BMP7: variants seen among roughly 807,000 people sequenced by gnomAD.
The protein encoded by BMP7 is osteogenic protein 1.
BMP7 carries 12 observed loss-of-function variants against 41.2 expected under a neutral mutation model. That is an observed-to-expected ratio of 0.29 (90% CI 0.19 to 0.47). BMP7 has a LOEUF of 0.47. Ranked by LOEUF, BMP7 falls within the 20% of genes least tolerant of loss-of-function variation. The pLI is 0.99. For synonymous variants in BMP7, 248 were observed against 250.0 expected (o/e 0.99, Z 0.07); for missense variants, 467 against 606.0 (o/e 0.77, Z 2.41).
intron 2 of BMP7, among the ~76,000 whole-genome samples, chr20:57,204,866 C>T (rs77149989): frequency 1.1e-4 from 16 of 152,306 alleles, no homozygotes; most frequent in African/African-American, 3.8e-4. Context: ...TTTTGTCCTT[C>T]CCAAGACTCA....
chr20:57,265,043 A>AG (rs2066169888), intron 1 of BMP7, among the ~76,000 whole-genome samples: 1 of 8,908 alleles, frequency 1.1e-4, no homozygotes, highest in African/African-American at 2.1e-4. Context: ...AAAAAAAAAA[A>AG]AAAGAAAAGA....
At chr20:57,218,276 C>G (rs1157810609) in intron 2 of BMP7, among the ~76,000 whole-genome samples, 1 of 152,264 alleles carries the variant, frequency 6.6e-6, no homozygotes, top group Non-Finnish European at 1.5e-5. Context: ...CTACACCTGA[C>G]TAGTTGGGGT....
At chr20:57,192,936 C>T (rs1488311095) in intron 3 of BMP7, among the ~76,000 whole-genome samples, 1 of 152,114 alleles carries the variant, frequency 6.6e-6, no homozygotes, top group East Asian at 1.9e-4. Flanking sequence ...GATAGAAAGG[C>T]TTTCCTGCGG....
intron 3 of BMP7, chr20:57,186,986 A>G (rs1568707499): frequency 6.6e-6 from 1 of 152,178 alleles, no homozygotes; most frequent in Non-Finnish European, 1.5e-5. Flanking sequence ...TGTTTCCCCC[A>G]CTAGAAGGCT....
chr20:57,238,193 T>C (rs1003468806), intron 1 of BMP7, among the ~76,000 whole-genome samples: 1 of 152,222 alleles, frequency 6.6e-6, no homozygotes, highest in Non-Finnish European at 1.5e-5. Context: ...GGGCAACACC[T>C]ATAAATGGAA....
At chr20:57,197,760 G>T (rs868553541) in intron 3 of BMP7, among the ~76,000 whole-genome samples, 1 of 152,324 alleles carries the variant, frequency 6.6e-6, no homozygotes, top group Middle Eastern at 3.4e-3. Flanking sequence ...TCTTCCAGCC[G>T]CCTACAGAAT....
At position 57,261,917 on chromosome 20, in the gene BMP7, C is replaced by A. The variant is rs1037697216; in HGVS notation, c.418+3788G>T. Among the ~76,000 whole-genome samples, 3 of 152,250 alleles carry A rather than the reference C, an allele frequency of 2.0e-5. No individual in the cohort carries two copies. Among genetic ancestry groups the A allele is most frequent in the African/African-American group, 7.2e-5 (3 of 41,464 alleles). ...GCCAAACACTTGTCAACAAAAAGGA[C>A]AGCCAGATGGCATAAAGCAAAAATC... is the stretch of plus-strand genomic sequence containing the variant. On this transcript the variant is annotated intron_variant, in intron 1 of 6. Transcript: ENST00000395863. This position sits in a 1 kb window ranked among gnomAD's most constrained non-coding sequence, Gnocchi z 4.1.
intron 4 of BMP7, among the ~76,000 whole-genome samples, chr20:57,178,704 G>A (rs756842296): frequency 6.6e-6 from 1 of 152,144 alleles, no homozygotes; most frequent in Non-Finnish European, 1.5e-5. Flanking sequence ...TTCCCTGTGG[G>A]GGGGTAGAAG....
At chr20:57,232,884 C>T (rs2066034442) in intron 1 of BMP7, among the ~76,000 whole-genome samples, 1 of 148,500 alleles carries the variant, frequency 6.7e-6, no homozygotes, top group Non-Finnish European at 1.5e-5. Context: ...CACACACACA[C>T]ACACACACAC....
At chr20:57,255,004 G>A (rs1208595944) in intron 1 of BMP7, among the ~76,000 whole-genome samples, 1 of 152,160 alleles carries the variant, frequency 6.6e-6, no homozygotes, top group Non-Finnish European at 1.5e-5. Flanking sequence ...AAAGACCGAG[G>A]AGAGGGGAGG....
intron 2 of BMP7, among the ~76,000 whole-genome samples, chr20:57,223,420 A>G (rs1192799506): frequency 6.6e-6 from 1 of 152,152 alleles, no homozygotes; most frequent in Non-Finnish European, 1.5e-5. Context: ...CTGTGATTCT[A>G]TTGCACAGCC....
intron 1 of BMP7, among the ~76,000 whole-genome samples, chr20:57,248,880 G>A (rs1296427633): frequency 6.6e-6 from 1 of 151,274 alleles, no homozygotes; most frequent in Non-Finnish European, 1.5e-5. Flanking sequence ...CTCACTGCAA[G>A]CTCCGCCTCC....
At chr20:57,192,250 T>A (rs564614697) in intron 3 of BMP7, among the ~76,000 whole-genome samples, 1 of 127,098 alleles carries the variant, frequency 7.9e-6, no homozygotes, top group Non-Finnish European at 1.6e-5. Flanking sequence ...ATATAGCATA[T>A]ATACTATAGT....
intron 1 of BMP7, among the ~76,000 whole-genome samples, chr20:57,240,439 T>C (rs1051875003): frequency 1.3e-5 from 2 of 152,222 alleles, no homozygotes; most frequent in African/African-American, 4.8e-5. Flanking sequence ...CTCTGGGCAA[T>C]TCCAAACTTT....
chr20:57,265,120 C>T (rs937246251), intron 1 of BMP7, among the ~76,000 whole-genome samples: 2 of 152,090 alleles, frequency 1.3e-5, no homozygotes, highest in Admixed American at 1.3e-4. Flanking sequence ...AGCAATGGCA[C>T]CGTTTCTTCC....
chr20:57,236,321 G>A (rs990642947), intron 1 of BMP7, among the ~76,000 whole-genome samples: 1 of 152,198 alleles, frequency 6.6e-6, no homozygotes, highest in African/African-American at 2.4e-5. Flanking sequence ...ATCAACACAG[G>A]AGAGAGCGCT....
intron 1 of BMP7, among the ~76,000 whole-genome samples, chr20:57,251,093 G>A (rs902791585): frequency 2.0e-5 from 3 of 152,218 alleles, no homozygotes; most frequent in African/African-American, 7.2e-5. Context: ...TCCCGTGCAC[G>A]GTGGGTTCCT....
Position 57,234,220 on chromosome 20 carries a change from A to G in BMP7, c.419-5799T>C, listed in dbSNP as rs574420941. Among the ~76,000 whole-genome samples the G allele has an allele frequency of 3.3e-5, 5 of 152,300 alleles. No homozygotes were observed. In the East Asian group the frequency reaches 7.7e-4, roughly 23 times the overall value. ...CCCAGTTGAGGGATGGGAGGAAGCC[A>G]GCCTTAACCTTGGCCACACATAGGC... is the stretch of plus-strand genomic sequence containing the variant. On this transcript the variant is annotated intron_variant, in intron 1 of 6. Coordinates refer to ENST00000395863, the MANE Select transcript of BMP7 (RefSeq NM_001719.3).
At chr20:57,242,203 T>C (rs1225984856) in intron 1 of BMP7, among the ~76,000 whole-genome samples, 1 of 152,220 alleles carries the variant, frequency 6.6e-6, no homozygotes, top group Admixed American at 6.5e-5. Context: ...GAGTCATTTT[T>C]GGTTGTCATA....
Sources: allele counts gnomAD v4.1 joint callset (sites outside exome capture counted in the v4.1 genomes callset), GRCh38; gene constraint gnomAD v4.1.1; non-coding constraint Gnocchi (gnomAD v3.1); transcripts MANE v1.5; gene names NCBI Gene and HGNC (gene_info 2026-07-23, HGNC 2026-07-21).